The following RARB variants were observed in gnomAD, a reference collection of about 807,000 sequenced individuals.
The protein encoded by RARB is retinoic acid receptor beta.
RARB carries 17 observed loss-of-function variants against 51.9 expected under a neutral mutation model. The ratio of observed to expected loss-of-function variants is 0.33; its 90% CI spans 0.22 to 0.49. The LOEUF is 0.49. Among genes scored for constraint, RARB ranks in the 20% least tolerant of loss-of-function variants. The probability of loss-of-function intolerance (pLI) is 0.99; values close to 1 mark genes in which losing one functional copy is unlikely to be tolerated. For synonymous variants in RARB, 215 were observed against 195.4 expected (o/e 1.10, Z -0.84); for missense variants, 369 against 550.8 (o/e 0.67, Z 3.30).
intron 1 of RARB, among the ~76,000 whole-genome samples, chr3:24,857,212 G>A (rs1158595905): frequency 6.6e-6 from 1 of 152,078 alleles, no homozygotes; most frequent in African/African-American, 2.4e-5. Flanking sequence ...ACAGTCCCTT[G>A]CAACATTTAT....
At chr3:25,216,825 T>C (rs936170713) in intron 5 of RARB, among the ~76,000 whole-genome samples, 1 of 151,948 alleles carries the variant, frequency 6.6e-6, no homozygotes, top group African/African-American at 2.4e-5. Context: ...TCTATAGTTT[T>C]GCTCCTCCAT....
intron 1 of RARB, among the ~76,000 whole-genome samples, chr3:25,448,950 C>T (rs2125539282): frequency 6.6e-6 from 1 of 151,918 alleles, no homozygotes; most frequent in East Asian, 1.9e-4. Flanking sequence ...TTGGGGCGTG[C>T]TAGTTCTGTA....
intron 2 of RARB, among the ~76,000 whole-genome samples, chr3:24,870,249 A>C (rs188131187): frequency 4.4e-4 from 67 of 152,220 alleles, no homozygotes; most frequent in African/African-American, 1.5e-3. Flanking sequence ...AATCTCTTAA[A>C]AATAGAAATA....
At chr3:25,280,290 C>T (rs1703491164) in intron 5 of RARB, among the ~76,000 whole-genome samples, 1 of 152,106 alleles carries the variant, frequency 6.6e-6, no homozygotes, top group African/African-American at 2.4e-5. Flanking sequence ...TAAGAATATT[C>T]CTTTTCTCTG....
intron 2 of RARB, among the ~76,000 whole-genome samples, chr3:24,875,770 G>C (rs907145119): frequency 1.3e-5 from 2 of 151,920 alleles, no homozygotes; most frequent in African/African-American, 4.8e-5. Flanking sequence ...CTAAATTACA[G>C]ACCTTATTCA....
chr3:25,339,298 T>A (rs1705152935), intron 5 of RARB, among the ~76,000 whole-genome samples: 1 of 152,178 alleles, frequency 6.6e-6, no homozygotes. Flanking sequence ...ACTGGAAGTG[T>A]AAATACTCTG....
chr3:24,953,369 A>G (rs552881293), intron 2 of RARB, among the ~76,000 whole-genome samples: 50 of 152,332 alleles, frequency 3.3e-4, no homozygotes, highest in South Asian at 1.2e-3. Flanking sequence ...TACCTGATTT[A>G]TTTTCTAAAA....
chr3:25,229,670 T>C (rs903825868), intron 5 of RARB, among the ~76,000 whole-genome samples: 5 of 152,046 alleles, frequency 3.3e-5, no homozygotes, highest in Admixed American at 6.6e-5. Flanking sequence ...TTTTTTTCTT[T>C]AATGCAACAG....
At chr3:25,570,297 A>G (rs1031209965) in intron 4 of RARB, among the ~76,000 whole-genome samples, 12 of 152,376 alleles carry the variant, frequency 7.9e-5, no homozygotes, top group African/African-American at 2.9e-4. Flanking sequence ...GTGAAGCGTT[A>G]CATGGGTCAT....
At chr3:24,966,140 C>G (rs1012918042) in intron 2 of RARB, among the ~76,000 whole-genome samples, 1 of 146,622 alleles carries the variant, frequency 6.8e-6, no homozygotes, top group Non-Finnish European at 1.5e-5. Flanking sequence ...AATTATTTTT[C>G]TTTGGCACTG....
rs527799224 is a variant in RARB at position 25,171,373 on chromosome 3, A to AC, written c.-279-2745dup. Among the ~76,000 whole-genome samples, 444 of 151,154 alleles carry AC rather than the reference A, an allele frequency of 2.9e-3. 3 individuals carry two copies. Among genetic ancestry groups the AC allele is most frequent in the African/African-American group, 0.01 (423 of 41,172 alleles). On this transcript the variant is annotated intron_variant, in intron 4 of 11. Transcript: ENST00000383772. ...TAGCCTTAATCAGTCACATATGTGA[A>AC]CATAGACCCAGTGACTGCTCAGACA...
chr3:25,335,741 G>A (rs1268471067), intron 5 of RARB, among the ~76,000 whole-genome samples: 1 of 152,202 alleles, frequency 6.6e-6, no homozygotes, highest in African/African-American at 2.4e-5. Context: ...TGGACAGGGA[G>A]ACTCTGTTTC....
Position 25,452,530 on chromosome 3 carries a change from G to A in RARB, c.158-8663G>A, listed in dbSNP as rs576527374. Among the ~76,000 whole-genome samples, 154 of 152,246 alleles carry A rather than the reference G, an allele frequency of 1.0e-3. No homozygotes were observed. In the Middle Eastern group the frequency reaches 0.014, roughly 13 times the overall value. Reference sequence around the variant, plus strand: ...AATCAGTGTTTGGAAAGTTATAACCGTGAGTTAAAAGCAAGAGAATTACAA... The same window carrying A: ...AATCAGTGTTTGGAAAGTTATAACCATGAGTTAAAAGCAAGAGAATTACAA... On this transcript the variant is annotated intron_variant, in intron 1 of 7. Coordinates refer to ENST00000330688, the MANE Select transcript of RARB (RefSeq NM_000965.5).
intron 2 of RARB, among the ~76,000 whole-genome samples, chr3:24,896,372 G>T (rs1396028983): frequency 6.6e-6 from 1 of 152,128 alleles, no homozygotes; most frequent in Non-Finnish European, 1.5e-5. Context: ...CGATCCTCCT[G>T]CTTCAGCCTC....
intron 2 of RARB, among the ~76,000 whole-genome samples, chr3:25,043,968 G>C (rs1185860040): frequency 6.6e-6 from 1 of 152,020 alleles, no homozygotes; most frequent in East Asian, 1.9e-4. Context: ...GTGTGGATAT[G>C]GAGTGCAAGT....
At chr3:25,340,107 A>G (rs1315401762) in intron 5 of RARB, among the ~76,000 whole-genome samples, 1 of 152,150 alleles carries the variant, frequency 6.6e-6, no homozygotes, top group Non-Finnish European at 1.5e-5. Flanking sequence ...AACATCACTG[A>G]TAGTAAAATG....
chr3:25,051,309 T>C (rs1698328044), intron 2 of RARB, among the ~76,000 whole-genome samples: 1 of 152,088 alleles, frequency 6.6e-6, no homozygotes, highest in South Asian at 2.1e-4. Context: ...TTTGTTATTG[T>C]AGGAGAAAGG....
intron 5 of RARB, among the ~76,000 whole-genome samples, chr3:25,281,776 A>G (rs1282767262): frequency 3.3e-5 from 5 of 152,208 alleles, no homozygotes; most frequent in African/African-American, 1.2e-4. Context: ...TTACTTCATT[A>G]GAATACTAAA....
At chr3:24,884,471 C>G (rs1182770614) in intron 2 of RARB, among the ~76,000 whole-genome samples, 1 of 152,050 alleles carries the variant, frequency 6.6e-6, no homozygotes, top group Non-Finnish European at 1.5e-5. Context: ...CTCCAAACTT[C>G]TCAAAGTTGC....
Sources: allele counts gnomAD v4.1 joint callset (sites outside exome capture counted in the v4.1 genomes callset), GRCh38; gene constraint gnomAD v4.1.1; transcripts MANE v1.5; gene names NCBI Gene and HGNC (gene_info 2026-07-23, HGNC 2026-07-21).